Variants in ZSWIM5 observed in about 807,000 individuals in gnomAD.
The protein encoded by ZSWIM5 is zinc finger SWIM domain-containing protein 5.
ZSWIM5 carries 55 observed loss-of-function variants against 119.6 expected under a neutral mutation model. That is an observed-to-expected ratio of 0.46 (90% confidence interval 0.37 to 0.58). ZSWIM5 has a LOEUF of 0.58. ZSWIM5 is among the 20% of genes least tolerant of loss of function. The probability of loss-of-function intolerance (pLI) is 0.00; values close to 1 mark genes in which losing one functional copy is unlikely to be tolerated. For synonymous variants in ZSWIM5, 537 were observed against 606.9 expected (o/e 0.88, Z 1.69); for missense variants, 1,193 against 1,512.8 (o/e 0.79, Z 3.51).
intron 1 of ZSWIM5, among the ~76,000 whole-genome samples, chr1:45,103,025 G>T (rs189992819): frequency 1.3e-5 from 2 of 151,954 alleles, no homozygotes; most frequent in Non-Finnish European, 2.9e-5. Flanking sequence ...CCAATACCTG[G>T]CTAATTATTA....
intron 2 of ZSWIM5, among the ~76,000 whole-genome samples, chr1:45,080,804 T>C (rs948828577): frequency 1.3e-5 from 2 of 152,258 alleles, no homozygotes; most frequent in Admixed American, 6.5e-5. Context: ...TCTTGGGGTA[T>C]GGAGTTACCA....
intron 2 of ZSWIM5, among the ~76,000 whole-genome samples, chr1:45,084,519 G>A (rs1208717461): frequency 6.6e-6 from 1 of 152,166 alleles, no homozygotes; most frequent in Non-Finnish European, 1.5e-5. Flanking sequence ...TCTGAGACAA[G>A]GCAAGTCTCT....
At chr1:45,046,207 C>A (rs1051581002) in intron 5 of ZSWIM5, among the ~76,000 whole-genome samples, 2 of 152,066 alleles carry the variant, frequency 1.3e-5, no homozygotes, top group Non-Finnish European at 2.9e-5. Context: ...ATGGGACTTG[C>A]ATTTTAAAAG....
At chr1:45,058,976 G>A (rs1645138747) in intron 3 of ZSWIM5, among the ~76,000 whole-genome samples, 1 of 152,104 alleles carries the variant, frequency 6.6e-6, no homozygotes, top group African/African-American at 2.4e-5. Flanking sequence ...CACTAGGATG[G>A]CTAGAATTAA....
intron 1 of ZSWIM5, among the ~76,000 whole-genome samples, chr1:45,133,392 G>C (rs531228407): frequency 1.2e-4 from 19 of 152,262 alleles, no homozygotes; most frequent in African/African-American, 4.3e-4. Flanking sequence ...TCATGTGTCT[G>C]TTGGCTGCAT....
intron 1 of ZSWIM5, among the ~76,000 whole-genome samples, chr1:45,188,720 G>A (rs934613651): frequency 1.5e-4 from 23 of 152,106 alleles, no homozygotes; most frequent in Admixed American, 2.6e-4. Context: ...CAGCCTAGAC[G>A]TCAAAACAGA....
intron 4 of ZSWIM5, among the ~76,000 whole-genome samples, chr1:45,053,762 C>CAAAAAAA (rs10675427): frequency 1.1e-5 from 1 of 92,064 alleles, no homozygotes; most frequent in Admixed American, 1.4e-4. Flanking sequence ...GACTCTGTTT[C>CAAAAAAA]AAAAAAAAAA....
chr1:45,055,686 G>A (rs1044710060), intron 4 of ZSWIM5, among the ~76,000 whole-genome samples: 6 of 152,158 alleles, frequency 3.9e-5, no homozygotes, highest in African/African-American at 7.2e-5. Flanking sequence ...GGTAGAGAAC[G>A]TAAACAGGAA....
intron 1 of ZSWIM5, among the ~76,000 whole-genome samples, chr1:45,140,087 G>A (rs1270995785): frequency 2.0e-5 from 3 of 152,162 alleles, no homozygotes; most frequent in Admixed American, 6.5e-5. Context: ...GGCTGGTAGA[G>A]GAGAATGGAA....
intron 1 of ZSWIM5, among the ~76,000 whole-genome samples, chr1:45,146,431 C>CTT (rs35073818): frequency 0.024 from 1,085 of 45,914 alleles, 365 homozygotes; most frequent in African/African-American, 0.029. Context: ...TGTTTCTAGA[C>CTT]TTTTTTTTTT....
intron 1 of ZSWIM5, among the ~76,000 whole-genome samples, chr1:45,127,841 T>C (rs1027771894): frequency 3.3e-5 from 5 of 152,038 alleles, no homozygotes; most frequent in Non-Finnish European, 5.9e-5. Flanking sequence ...AATGAACATA[T>C]AGAAACCCAA....
intron 1 of ZSWIM5, among the ~76,000 whole-genome samples, chr1:45,132,497 G>A (rs1284707483): frequency 6.6e-6 from 1 of 152,008 alleles, no homozygotes; most frequent in East Asian, 1.9e-4. Flanking sequence ...CTAAAAACAA[G>A]GATATAGCTA....
intron 5 of ZSWIM5, among the ~76,000 whole-genome samples, chr1:45,047,543 C>T (rs891526575): frequency 6.6e-6 from 1 of 152,066 alleles, no homozygotes; most frequent in Non-Finnish European, 1.5e-5. Context: ...TGCTTGTACA[C>T]TCAAGAATAA....
At chr1:45,172,590 A>C (rs925206864) in intron 1 of ZSWIM5, among the ~76,000 whole-genome samples, 10 of 152,130 alleles carry the variant, frequency 6.6e-5, no homozygotes, top group African/African-American at 2.4e-4. Context: ...AGACAAGACA[A>C]TAACATCAAC....
chr1:45,065,799 G>A (rs968568315), intron 2 of ZSWIM5, among the ~76,000 whole-genome samples: 2 of 152,072 alleles, frequency 1.3e-5, no homozygotes, highest in African/African-American at 4.8e-5. Context: ...GGCAAGCAAA[G>A]TCATTTGGGA....
rs199982396 is a variant in ZSWIM5 at position 45,060,090 on chromosome 1, A to G, written c.1101+9T>C. 23 of 1,613,964 alleles carry G rather than the reference A, an allele frequency of 1.4e-5. No individual in the cohort carries two copies. Among genetic ancestry groups the G allele is most frequent in the Non-Finnish European group, 1.9e-5 (23 of 1,179,948 alleles). ...AACAACAAAAGAAAAACACCTTTTC[A>G]TATCTTACCTTGGCAAACATTGAGT... On this transcript the variant is annotated intron_variant, in intron 3 of 13. Transcript: ENST00000359600.
chr1:45,055,785 CA>C (rs1410976119), intron 4 of ZSWIM5, among the ~76,000 whole-genome samples: 1 of 152,164 alleles, frequency 6.6e-6, no homozygotes, highest in Non-Finnish European at 1.5e-5. Context: ...TCACCAGGAA[CA>C]CAGTGGGGAA....
At chr1:45,093,773 T>C (rs1159837630) in intron 1 of ZSWIM5, among the ~76,000 whole-genome samples, 2 of 151,894 alleles carry the variant, frequency 1.3e-5, no homozygotes, top group African/African-American at 4.8e-5. Context: ...AGTGTTTCTT[T>C]CCCATTGCAA....
intron 1 of ZSWIM5, among the ~76,000 whole-genome samples, chr1:45,094,298 C>T (rs1316388165): frequency 6.6e-6 from 1 of 152,096 alleles, no homozygotes; most frequent in Non-Finnish European, 1.5e-5. Context: ...TCGTGATCCG[C>T]CTGCCTCAGC....
Sources: allele counts gnomAD v4.1 joint callset (sites outside exome capture counted in the v4.1 genomes callset), GRCh38; gene constraint gnomAD v4.1.1; transcripts MANE v1.5; gene names NCBI Gene and HGNC (gene_info 2026-07-23, HGNC 2026-07-21).